The following LPP variants were observed in gnomAD, a reference collection of about 807,000 sequenced individuals.
LPP encodes LIM domain containing preferred translocation partner in lipoma.
In LPP, 38 loss-of-function variants were observed where a neutral mutation model predicts 60.4. That is an observed-to-expected ratio of 0.63 (90% confidence interval 0.49 to 0.83). LPP has a LOEUF of 0.83. LPP is among the 40% of genes least tolerant of loss of function. The pLI, the probability that LPP is intolerant of heterozygous loss-of-function variation, is 0.00. For missense variants in LPP, 902 were observed against 783.6 expected (o/e 1.15, Z -1.80); for synonymous variants, 328 against 290.8 (o/e 1.13, Z -1.30).
chr3:188,382,834 T>C (rs1777255182), intron 3 of LPP, among the ~76,000 whole-genome samples: 1 of 152,230 alleles, frequency 6.6e-6, no homozygotes, highest in Non-Finnish European at 1.5e-5. Context: ...TCATTCTTTG[T>C]CTTTCCTGGT....
chr3:188,632,337 AACCT>A (rs745353776), intron 7 of LPP, among the ~76,000 whole-genome samples: 1 of 152,166 alleles, frequency 6.6e-6, no homozygotes, highest in Non-Finnish European at 1.5e-5. Context: ...TGTTCAGGAA[AACCT>A]TTATGAGGAA....
chr3:188,507,615 A>G (rs1462836199), intron 5 of LPP, among the ~76,000 whole-genome samples: 1 of 152,160 alleles, frequency 6.6e-6, no homozygotes, highest in East Asian at 1.9e-4. Flanking sequence ...ACAGGAGACC[A>G]GAGTCAGCAA....
At chr3:188,364,132 G>A (rs1770396590) in intron 3 of LPP, among the ~76,000 whole-genome samples, 1 of 152,116 alleles carries the variant, frequency 6.6e-6, no homozygotes, top group Admixed American at 6.6e-5. Context: ...GGATTACTTT[G>A]GGGATTCAGA....
intron 8 of LPP, chr3:188,711,776 G>C (rs1417743577): frequency 6.6e-6 from 1 of 152,110 alleles, no homozygotes. Flanking sequence ...GGCAGAAAGT[G>C]ACAAGTGACT....
intron 2 of LPP, among the ~76,000 whole-genome samples, chr3:188,237,820 C>A (rs1186695046): frequency 6.6e-6 from 1 of 152,154 alleles, no homozygotes; most frequent in Non-Finnish European, 1.5e-5. Flanking sequence ...CTAAGATTTT[C>A]AGAATGGTAA....
intron 6 of LPP, among the ~76,000 whole-genome samples, chr3:188,607,418 A>ATAT (rs1842732460): frequency 1.0e-4 from 4 of 38,492 alleles, no homozygotes; most frequent in Non-Finnish European, 1.6e-4. Flanking sequence ...TATATATATA[A>ATAT]TTTTTTTTTC....
At chr3:188,203,423 A>T (rs1433567548) in intron 1 of LPP, among the ~76,000 whole-genome samples, 2 of 94,068 alleles carry the variant, frequency 2.1e-5, no homozygotes, top group Non-Finnish European at 3.7e-5. Context: ...TATATATAAT[A>T]TAAATATAAA....
At chr3:188,459,411 C>A (rs1175550979) in intron 4 of LPP, among the ~76,000 whole-genome samples, 1 of 152,060 alleles carries the variant, frequency 6.6e-6, no homozygotes, top group Non-Finnish European at 1.5e-5. Context: ...TCAAGCTGTC[C>A]ACAGCTTCCT....
chr3:188,457,662 G>T (rs981545188), intron 4 of LPP, among the ~76,000 whole-genome samples: 3 of 151,618 alleles, frequency 2.0e-5, no homozygotes, highest in East Asian at 1.9e-4. Context: ...GGAGGCCAAG[G>T]GGAGCAGATC....
chr3:188,602,823 G>A (rs965011105), intron 6 of LPP, among the ~76,000 whole-genome samples: 2 of 150,686 alleles, frequency 1.3e-5, no homozygotes, highest in East Asian at 2.0e-4. Flanking sequence ...CTTTCCCAAT[G>A]TCACTAAATT....
rs567195904 is a variant in LPP, at chr3:188,875,132, A to G, written c.*653A>G. The G allele has an allele frequency of 9.2e-6, 2 of 218,340 alleles. No individual in the cohort carries two copies. Among genetic ancestry groups the G allele is most frequent in the South Asian group, 1.9e-4 (1 of 5,402 alleles). 13.5% of individuals were successfully genotyped at this position (218,340 alleles called of 1,614,324 possible). ...GACCAGTGATCAAGGCTAATTGGAA[A>G]AGAGTTATCGGCCCATAGCTAATAA... On this transcript the variant is annotated 3_prime_UTR_variant, in exon 12 of 12. Transcript: ENST00000617246.
intron 8 of LPP, among the ~76,000 whole-genome samples, chr3:188,746,078 G>A (rs1283357160): frequency 6.6e-6 from 1 of 151,992 alleles, no homozygotes; most frequent in Admixed American, 6.6e-5. Flanking sequence ...TTTTCTTTAA[G>A]AGACACCATC....
At chr3:188,406,445 A>G (rs893063446) in intron 4 of LPP, 132 bp downstream of exon 4, 3 of 808,718 alleles carry the variant, frequency 3.7e-6, no homozygotes, top group South Asian at 3.7e-5. Context: ...GGCTACTAAA[A>G]GTAAAGGAGC....
At chr3:188,430,572 T>TA (rs1319780247) in intron 4 of LPP, among the ~76,000 whole-genome samples, 2 of 152,208 alleles carry the variant, frequency 1.3e-5, no homozygotes, top group Non-Finnish European at 2.9e-5. Flanking sequence ...CTCTTTTACT[T>TA]ACCTGTGTGA....
intron 8 of LPP, among the ~76,000 whole-genome samples, chr3:188,715,353 G>A (rs1456245232): frequency 8.1e-6 from 1 of 123,678 alleles, no homozygotes; most frequent in African/African-American, 3.0e-5. Flanking sequence ...ACTCCAGCCT[G>A]GTGACAGAGG....
At chr3:188,517,017 A>G (rs1817561681) in intron 5 of LPP, among the ~76,000 whole-genome samples, 1 of 152,246 alleles carries the variant, frequency 6.6e-6, no homozygotes, top group Admixed American at 6.5e-5. Context: ...TTATAAAGTC[A>G]CATACTCAAT....
intron 5 of LPP, among the ~76,000 whole-genome samples, chr3:188,517,817 G>T (rs28437000): frequency 6.6e-6 from 1 of 151,972 alleles, no homozygotes; most frequent in East Asian, 1.9e-4. Flanking sequence ...CCCATAACAT[G>T]GGGAGTTATG....
intron 9 of LPP, among the ~76,000 whole-genome samples, chr3:188,865,933 G>A (rs1035315896): frequency 2.0e-5 from 3 of 152,172 alleles, no homozygotes; most frequent in Non-Finnish European, 4.4e-5. Flanking sequence ...AGTAATACTA[G>A]AAAAGCCACT....
chr3:188,364,490 A>G (rs1321334702), intron 3 of LPP, among the ~76,000 whole-genome samples: 1 of 152,204 alleles, frequency 6.6e-6, no homozygotes, highest in Non-Finnish European at 1.5e-5. Flanking sequence ...ATTAATGCAG[A>G]AAACTTCTAT....
Sources: gnomAD v4.1 joint callset for allele counts (sites outside exome capture counted in the v4.1 genomes callset) on GRCh38, gnomAD v4.1.1 for gene constraint, MANE v1.5 for transcripts, NCBI Gene and HGNC (gene_info 2026-07-23, HGNC 2026-07-21) for gene names.